The following AK9 variants were observed in gnomAD, a reference collection of about 807,000 sequenced individuals.
The protein encoded by AK9 is adenylate kinase 9, also known as adenylate kinase domain containing 1.
Under a neutral mutation model 239.6 loss-of-function variants are expected in AK9, and 191 were observed. That is an observed-to-expected ratio of 0.80 (90% confidence interval 0.71 to 0.90). The LOEUF (loss-of-function observed/expected upper bound fraction) is 0.90. Ranked by LOEUF, AK9 falls within the 40% of genes least tolerant of loss-of-function variation. The pLI is 0.00. For synonymous variants in AK9, 689 were observed against 721.0 expected, an observed-to-expected ratio of 0.96 and a Z score of 0.71; for missense variants, 1,995 against 2,214.7, an observed-to-expected ratio of 0.90 and a Z score of 1.99.
chr6:109,642,370 G>A (rs1291410247), intron 9 of AK9, among the ~76,000 whole-genome samples: 1 of 152,162 alleles, frequency 6.6e-6, no homozygotes, highest in Non-Finnish European at 1.5e-5. Context: ...AAATCCTGAT[G>A]GTGTGTGGTA....
At chr6:109,591,387 C>A (rs75398999) in intron 17 of AK9, among the ~76,000 whole-genome samples, 3,404 of 151,916 alleles carry the variant, frequency 0.022, 129 homozygotes, top group Admixed American at 0.1. Flanking sequence ...TTTTCCATCC[C>A]TTTACTTTGA....
intron 27 of AK9, among the ~76,000 whole-genome samples, chr6:109,537,211 T>C (rs927330733): frequency 6.6e-6 from 1 of 152,176 alleles, no homozygotes; most frequent in African/African-American, 2.4e-5. Context: ...CTGGTAGAAT[T>C]TGGCTGTGAA....
chr6:109,630,131 T>C (rs1444215025), intron 12 of AK9, among the ~76,000 whole-genome samples: 1 of 152,062 alleles, frequency 6.6e-6, no homozygotes, highest in African/African-American at 2.4e-5. Context: ...ATATATAACA[T>C]ACAAGATAAT....
Position 109,515,826 on chromosome 6 carries a change from C to A in AK9, c.4065+31G>T, listed in dbSNP as rs1274215034. The A allele has an allele frequency of 3.3e-6, 5 of 1,494,008 alleles. No individual in the cohort carries two copies. In the African/African-American group the frequency reaches 7.0e-5, roughly 21 times the overall value. The allele number at this position is 1,494,008 out of a possible 1,614,324, so 92.5% of individuals were successfully genotyped here. A position where few individuals can be genotyped will look rare whatever the true frequency, so the allele number is the denominator to read the frequency against. The stretch of plus-strand genomic sequence containing the variant: ...ACCTTTGAAAAAAATAAATAAGGAA[C>A]ATGGCTTTCAGGTGCGTTTGCTGAA... On this transcript the variant is annotated intron_variant, in intron 31 of 40. Coordinates refer to ENST00000424296, the MANE Select transcript of AK9 (RefSeq NM_001145128.3).
In AK9 at chr6:109,584,876, C is replaced by A. The variant is rs368308786; in HGVS notation, c.2114+247G>T. ...CCCATGCTCATTTTTTAAATAGTGT[C>A]TTTTAAGAGCAGATGCTTGATTTAG... is the stretch of plus-strand genomic sequence containing the variant. On this transcript the variant is annotated intron_variant, in intron 19 of 40. Coordinates refer to ENST00000424296, the MANE Select transcript of AK9 (RefSeq NM_001145128.3). Among the ~76,000 whole-genome samples the A allele has an allele frequency of 6.6e-5, 10 of 152,150 alleles. No individual in the cohort carries two copies. The East Asian group carries it at 1.9e-3, about 29-fold the overall frequency.
In AK9 at chr6:109,654,247, C is replaced by T. The variant is rs548003564; in HGVS notation, c.759+2509G>A. Among the ~76,000 whole-genome samples, 179 of 152,066 alleles carry T rather than the reference C, an allele frequency of 1.2e-3. 1 individual carries two copies. The highest frequency in any genetic ancestry group is 4.0e-3 in the African/African-American group (164 of 41,476). On this transcript the variant is annotated intron_variant, in intron 8 of 40. Coordinates refer to ENST00000424296, the MANE Select transcript of AK9 (RefSeq NM_001145128.3). ...AGATTCTAGGTGTTTTCCTCTAGAC[C>T]GACAACAGATTATATCAGCATTATT...
At chr6:109,575,575 T>C (rs1203953860) in intron 20 of AK9, among the ~76,000 whole-genome samples, 1 of 152,210 alleles carries the variant, frequency 6.6e-6, no homozygotes, top group East Asian at 1.9e-4. Context: ...TTCTGGATAT[T>C]AGTCCTTTGT....
intron 17 of AK9, among the ~76,000 whole-genome samples, chr6:109,602,624 T>C (rs1210269424): frequency 2.0e-5 from 3 of 152,224 alleles, no homozygotes; most frequent in African/African-American, 7.2e-5. Flanking sequence ...TTGGCCTGCC[T>C]TGCTAGGTTG....
chr6:109,516,490 G>A lies in AK9; in HGVS notation c.3786C>T (p.Arg1262=). The change falls in exon 30 of 41, where the codon CGC becomes CGT. Residue 1262 remains arginine (R), a synonymous_variant. Coordinates refer to ENST00000424296, the MANE Select transcript of AK9 (RefSeq NM_001145128.3). ...ATTTTTCTCCTAGTTCACCTCTCAG[G>A]CGCTCAATTGCATCAGTTTCCTGTT... ...DEEQETDAIE[R]LRGELGEKFE... 6.4e-7 allele frequency: 1 copy of A among 1,551,578 alleles called. No homozygotes were observed.
intron 12 of AK9, among the ~76,000 whole-genome samples, chr6:109,628,951 T>C (rs1795834581): frequency 6.6e-6 from 1 of 152,200 alleles, no homozygotes; most frequent in Non-Finnish European, 1.5e-5. Context: ...AGAAATGTTT[T>C]ATACTTTGAT....
chr6:109,613,381 A>C (rs1385251349), intron 15 of AK9, among the ~76,000 whole-genome samples: 1 of 151,990 alleles, frequency 6.6e-6, no homozygotes. Flanking sequence ...AAAAGAAGAA[A>C]TATAAATGGT....
chr6:109,529,124 G>T, intron 28 of AK9, 51 bp from the exon 29 acceptor site: 1 of 1,506,114 alleles, frequency 6.6e-7, no homozygotes, highest in Non-Finnish European at 8.8e-7. Flanking sequence ...GATAAAAGTG[G>T]CTTTCTCTGT....
chr6:109,639,094 T>G (rs1797075074), intron 10 of AK9, among the ~76,000 whole-genome samples: 1 of 152,240 alleles, frequency 6.6e-6, no homozygotes, highest in African/African-American at 2.4e-5. Flanking sequence ...TAATTGTGAA[T>G]AGTGCTGCAA....
At chr6:109,650,781 C>T (rs886123299) in intron 8 of AK9, among the ~76,000 whole-genome samples, 1 of 152,170 alleles carries the variant, frequency 6.6e-6, no homozygotes, top group Non-Finnish European at 1.5e-5. Context: ...CACATGCAAA[C>T]GTATGTTTAT....
chr6:109,647,151 G>T (rs1798176373), intron 8 of AK9, among the ~76,000 whole-genome samples: 1 of 152,170 alleles, frequency 6.6e-6, no homozygotes, highest in Non-Finnish European at 1.5e-5. Flanking sequence ...GTTGTAAAGA[G>T]CATCAAGGCT....
intron 8 of AK9, among the ~76,000 whole-genome samples, chr6:109,647,269 C>T (rs1798194474): frequency 6.6e-6 from 1 of 152,168 alleles, no homozygotes; most frequent in Non-Finnish European, 1.5e-5. Flanking sequence ...GGGCTAAATG[C>T]TCCAATTAAA....
chr6:109,603,914 A>G (rs1792465298), intron 17 of AK9, among the ~76,000 whole-genome samples: 2 of 152,174 alleles, frequency 1.3e-5, no homozygotes, highest in Non-Finnish European at 2.9e-5. Flanking sequence ...TGCTAAGACC[A>G]TTGGAAAAGC....
At position 109,542,038 on chromosome 6, in the gene AK9, T is replaced by A; in HGVS notation, c.3350+9A>T. 6.4e-7 allele frequency: 1 copy of A among 1,560,906 alleles called. No homozygotes were observed. The highest frequency in any genetic ancestry group is 1.2e-5 in the South Asian group (1 of 83,922). ...AAATAAATGTACAATTCTATATAAA[T>A]TAAGATACCGTATTGGTTCCTTAAG... On this transcript the variant is annotated intron_variant, in intron 27 of 40. Coordinates refer to ENST00000424296, the MANE Select transcript of AK9 (RefSeq NM_001145128.3).
intron 6 of AK9, chr6:109,661,076 G>A (rs1224594635): frequency 3.1e-6 from 1 of 324,472 alleles, no homozygotes. Context: ...AAGAGCTTCT[G>A]CTCTAGAAAT....
Sources: gnomAD v4.1 joint callset for allele counts (sites outside exome capture counted in the v4.1 genomes callset) on GRCh38, gnomAD v4.1.1 for gene constraint, MANE v1.5 for transcripts, NCBI Gene and HGNC (gene_info 2026-07-23, HGNC 2026-07-21) for gene names.